The following ADAM23 variants were observed in gnomAD, a reference collection of about 807,000 sequenced individuals.
ADAM23 encodes the protein ADAM metallopeptidase domain 23.
ADAM23 carries 33 observed loss-of-function variants against 120.1 expected under a neutral mutation model. The observed-to-expected ratio is 0.27, with a 90% CI of 0.21 to 0.37. ADAM23 has a LOEUF of 0.37. ADAM23 is among the 10% of genes least tolerant of loss of function. The pLI is 1.00. For missense variants in ADAM23, 862 were observed against 1,058.2 expected (o/e 0.81, Z 2.57); for synonymous variants, 367 against 375.2 (o/e 0.98, Z 0.25).
chr2:206,535,094 G>T (rs1235583784), intron 4 of ADAM23, among the ~76,000 whole-genome samples: 4 of 151,928 alleles, frequency 2.6e-5, no homozygotes, highest in Non-Finnish European at 5.9e-5. Flanking sequence ...CATTGTCTCT[G>T]CCTGGGTGGG....
chr2:206,527,713 A>G (rs1041671911), intron 3 of ADAM23, among the ~76,000 whole-genome samples: 3 of 152,348 alleles, frequency 2.0e-5, no homozygotes, highest in Admixed American at 6.5e-5. Context: ...ATTAGGCATT[A>G]TGCCAGGTGC....
At chr2:206,564,790 A>G (rs899919334) in intron 13 of ADAM23, among the ~76,000 whole-genome samples, 2 of 152,200 alleles carry the variant, frequency 1.3e-5, no homozygotes, top group East Asian at 1.9e-4. Context: ...GAGAGGCACA[A>G]TATTACTTCT....
intron 3 of ADAM23, among the ~76,000 whole-genome samples, chr2:206,511,776 G>T (rs926190176): frequency 2.0e-5 from 3 of 152,182 alleles, no homozygotes; most frequent in Non-Finnish European, 4.4e-5. Context: ...TTTCTGTAGG[G>T]AATGTGTAGT....
chr2:206,480,539 T>C (rs1359096977), intron 2 of ADAM23, among the ~76,000 whole-genome samples: 1 of 152,054 alleles, frequency 6.6e-6, no homozygotes, highest in Non-Finnish European at 1.5e-5. Flanking sequence ...TTTATTGATT[T>C]GTTAATTTGC....
At chr2:206,605,587 G>A (rs986995528) in intron 24 of ADAM23, among the ~76,000 whole-genome samples, 7 of 152,186 alleles carry the variant, frequency 4.6e-5, no homozygotes, top group Admixed American at 3.9e-4. Context: ...TTTAAAAGTA[G>A]GGTGTGCAGA....
chr2:206,609,090 TG>T (rs1339384471), intron 24 of ADAM23, among the ~76,000 whole-genome samples: 1 of 152,228 alleles, frequency 6.6e-6, no homozygotes, highest in Admixed American at 6.5e-5. Context: ...TACTAGGATA[TG>T]GATTAGCTCT....
chr2:206,456,014 C>T (rs147420592), intron 2 of ADAM23, among the ~76,000 whole-genome samples: 6 of 152,266 alleles, frequency 3.9e-5, no homozygotes, highest in African/African-American at 1.2e-4. Flanking sequence ...CCACATTTTC[C>T]GGTTTCTTTA....
intron 4 of ADAM23, among the ~76,000 whole-genome samples, chr2:206,536,590 G>A (rs1188582828): frequency 6.6e-6 from 1 of 152,044 alleles, no homozygotes; most frequent in East Asian, 1.9e-4. Context: ...ATTTTAGGTG[G>A]TCACGCCACA....
chr2:206,469,830 A>G (rs771779370), intron 2 of ADAM23, among the ~76,000 whole-genome samples: 4 of 152,166 alleles, frequency 2.6e-5, no homozygotes, highest in African/African-American at 7.2e-5. Context: ...TTCTACAACT[A>G]GCTGTTCCCT....
intron 25 of ADAM23, among the ~76,000 whole-genome samples, chr2:206,612,384 A>G (rs1035790975): frequency 9.8e-5 from 15 of 152,350 alleles, no homozygotes; most frequent in African/African-American, 2.9e-4. Context: ...TTTGAGTTCA[A>G]TGTAAATGTT....
At chr2:206,561,926 T>G (rs1020256494) in intron 12 of ADAM23, among the ~76,000 whole-genome samples, 1 of 152,168 alleles carries the variant, frequency 6.6e-6, no homozygotes, top group African/African-American at 2.4e-5. Flanking sequence ...TATTCTTAGT[T>G]TGGTATAAGT....
intron 25 of ADAM23, among the ~76,000 whole-genome samples, chr2:206,613,497 T>C (rs531104516): frequency 6.6e-6 from 1 of 152,324 alleles, no homozygotes; most frequent in South Asian, 2.1e-4. Context: ...GCACACCAAT[T>C]TGCTCTACTT....
Position 206,557,437 on chromosome 2 carries a change from A to G in ADAM23, c.944A>G (p.His315Arg). 1 of 1,613,306 alleles carries G rather than the reference A, an allele frequency of 6.2e-7. No individual in the cohort carries two copies. Among genetic ancestry groups the G allele is most frequent in the Non-Finnish European group, 8.5e-7 (1 of 1,179,294 alleles). The change falls in exon 10 of 26, where the codon CAT (histidine) becomes CGT (arginine). Residue 315 changes from histidine (H) to arginine (R), a missense_variant. Around this residue, in one of 4 missense-constraint regions of ADAM23, gnomAD observed 617 missense variants for 813.5 expected, o/e 0.76. Coordinates refer to ENST00000264377, the MANE Select transcript of ADAM23 (RefSeq NM_003812.4). ...IVNDHKTYKKHRSSHAHTNNF... is the reference protein window; with the variant it reads ...IVNDHKTYKKRRSSHAHTNNF... ...GTATTTCCCCCCTAGTATAAGAAGC[A>G]TCGCTCTTCTCATGCACATACCAAC... is the stretch of plus-strand genomic sequence containing the variant.
rs760455197 is a variant in ADAM23, at chr2:206,543,285, T to C, written c.689T>C (p.Met230Thr). 6 of 1,614,126 alleles carry C rather than the reference T, an allele frequency of 3.7e-6. No homozygotes were observed. The highest frequency in any genetic ancestry group is 4.5e-5 in the East Asian group (2 of 44,882). The change falls in exon 6 of 26, where the codon ATG becomes ACG. Residue 230 changes from methionine (M) to threonine (T), a missense_variant. This residue lies in a region of ADAM23 where 617 missense variants were observed against 813.5 expected (regional missense o/e 0.76). Coordinates refer to ENST00000264377, the MANE Select transcript of ADAM23 (RefSeq NM_003812.4). ...TTTGAAGATGATACCTTCGTGTATA[T>C]GATAGAGCCACTAGAGCTGGTTCAT... ...GMFEDDTFVY[M>T]IEPLELVHDE... is the part of the protein sequence containing the mutation.
chr2:206,499,932 AT>A (rs932585483), intron 3 of ADAM23, among the ~76,000 whole-genome samples: 1 of 152,180 alleles, frequency 6.6e-6, no homozygotes, highest in African/African-American at 2.4e-5. Context: ...AGGTTGGCGG[AT>A]TAAAGGAATC....
intron 3 of ADAM23, among the ~76,000 whole-genome samples, chr2:206,495,721 T>C (rs547382189): frequency 4.0e-5 from 6 of 151,856 alleles, no homozygotes; most frequent in Non-Finnish European, 8.8e-5. Context: ...GGGTAAAGAG[T>C]CAAGACCCAT....
At chr2:206,454,456 G>C (rs1695255076) in intron 2 of ADAM23, among the ~76,000 whole-genome samples, 1 of 152,086 alleles carries the variant, frequency 6.6e-6, no homozygotes, top group South Asian at 2.1e-4. Context: ...TGGGGACACA[G>C]AACCAAACCA....
chr2:206,543,523 A>T (rs192110552), intron 6 of ADAM23, among the ~76,000 whole-genome samples: 9 of 152,288 alleles, frequency 5.9e-5, no homozygotes, highest in Admixed American at 5.2e-4. Flanking sequence ...GACATCAAAC[A>T]TAGGTTTTCT....
chr2:206,570,320 A>G (rs1238876835), intron 15 of ADAM23, among the ~76,000 whole-genome samples: 1 of 152,190 alleles, frequency 6.6e-6, no homozygotes, highest in Admixed American at 6.5e-5. Context: ...ACTGAAGCAT[A>G]TTTATCTTTT....
Sources: gnomAD v4.1 joint callset for allele counts (sites outside exome capture counted in the v4.1 genomes callset) on GRCh38, gnomAD v4.1.1 for gene constraint, gnomAD v4.1.1 regional missense constraint, MANE v1.5 for transcripts, NCBI Gene and HGNC (gene_info 2026-07-23, HGNC 2026-07-21) for gene names.